Variants in GRID1 observed in about 807,000 individuals in gnomAD.
GRID1 encodes the protein glutamate receptor ionotropic, delta-1.
GRID1 carries 28 observed loss-of-function variants against 98.0 expected under a neutral mutation model. The observed-to-expected ratio is 0.29, with a 90% CI of 0.21 to 0.39. The LOEUF is 0.39. Among genes scored for constraint, GRID1 ranks in the 10% least tolerant of loss-of-function variants. The pLI is 1.00. For missense variants in GRID1, 1,111 were observed against 1,340.5 expected, an observed-to-expected ratio of 0.83 and a Z score of 2.67; for synonymous variants, 553 against 538.5, an observed-to-expected ratio of 1.03 and a Z score of -0.37.
At chr10:85,773,527 T>C (rs553957020) in intron 8 of GRID1, among the ~76,000 whole-genome samples, 134 of 152,316 alleles carry the variant, frequency 8.8e-4, no homozygotes, top group African/African-American at 3.1e-3. Context: ...AAAGAGGAAG[T>C]CAAATTGTCC....
intron 8 of GRID1, among the ~76,000 whole-genome samples, chr10:85,807,897 A>T (rs909355376): frequency 4.6e-5 from 7 of 152,238 alleles, no homozygotes; most frequent in African/African-American, 1.4e-4. Flanking sequence ...ACTCTTGTAC[A>T]TCAGTAATAT....
chr10:85,634,291 T>TCTCTCTCTCTCTCACACA, intron 13 of GRID1, among the ~76,000 whole-genome samples: 1 of 102,998 alleles, frequency 9.7e-6, no homozygotes, highest in South Asian at 3.0e-4. Flanking sequence ...TCTCTCTCTC[T>TCTCTCTCTCTCTCACACA]CACACACACA....
Position 85,729,556 on chromosome 10 carries a change from C to T in GRID1, c.1292G>A (p.Gly431Asp). Residue 431 changes from glycine to aspartate, a missense_variant, in exon 9 of 16, where the codon GGC becomes GAC. By Grantham distance (94) the Gly-to-Asp change is moderately conservative (BLOSUM62 -1). Coordinates refer to ENST00000327946, the MANE Select transcript of GRID1 (RefSeq NM_017551.3). ...LNGSLQERPM[G>D]SRLQGLTLKV... ...AAGAGTCAATCCTTGGAGGCGGCTG[C>T]CCATGGGCCTCTCTTGCAAGCTGCC... 6.2e-7 allele frequency: 1 copy of T among 1,612,754 alleles called. No individual in the cohort carries two copies. The highest frequency in any genetic ancestry group is 1.1e-5 in the South Asian group (1 of 91,010).
At chr10:86,266,463 G>C (rs907598184) in intron 2 of GRID1, among the ~76,000 whole-genome samples, 1 of 152,206 alleles carries the variant, frequency 6.6e-6, no homozygotes, top group African/African-American at 2.4e-5. Context: ...GGAGCCCCCA[G>C]GCTCTGCACC....
At chr10:85,960,511 T>A (rs1842252289) in intron 4 of GRID1, among the ~76,000 whole-genome samples, 1 of 152,140 alleles carries the variant, frequency 6.6e-6, no homozygotes, top group Admixed American at 6.5e-5. Context: ...AACACTGAGC[T>A]CCCCTCTGCA....
intron 4 of GRID1, among the ~76,000 whole-genome samples, chr10:86,050,114 G>A (rs1843481015): frequency 6.6e-6 from 1 of 152,218 alleles, no homozygotes; most frequent in Non-Finnish European, 1.5e-5. Flanking sequence ...ATGGCTCACA[G>A]GGATCACTGG....
At chr10:85,832,510 C>T (rs1842876010) in intron 8 of GRID1, among the ~76,000 whole-genome samples, 1 of 152,146 alleles carries the variant, frequency 6.6e-6, no homozygotes, top group Non-Finnish European at 1.5e-5. Context: ...AATGGCTCAA[C>T]TTCCAAAAAC....
intron 8 of GRID1, among the ~76,000 whole-genome samples, chr10:85,750,143 A>G (rs1842032771): frequency 6.6e-6 from 1 of 152,216 alleles, no homozygotes; most frequent in Non-Finnish European, 1.5e-5. Context: ...TTATAAAGAT[A>G]TGCATACCTA....
At chr10:86,176,773 G>A (rs1302540959) in intron 3 of GRID1, among the ~76,000 whole-genome samples, 3 of 152,266 alleles carry the variant, frequency 2.0e-5, no homozygotes, top group Non-Finnish European at 1.5e-5. Context: ...TTGATAGGTC[G>A]CTATTGTGCC....
At chr10:85,679,442 T>C (rs1441989730) in intron 12 of GRID1, among the ~76,000 whole-genome samples, 1 of 152,182 alleles carries the variant, frequency 6.6e-6, no homozygotes, top group African/African-American at 2.4e-5. Flanking sequence ...CCCTGACTTT[T>C]CCCCGACCAA....
At chr10:85,751,722 T>C (rs1379014163) in intron 8 of GRID1, among the ~76,000 whole-genome samples, 1 of 152,178 alleles carries the variant, frequency 6.6e-6, no homozygotes, top group Non-Finnish European at 1.5e-5. Context: ...ATATGTATGG[T>C]ATGTGGCATG....
chr10:85,800,160 CAA>C (rs55648626), intron 8 of GRID1, among the ~76,000 whole-genome samples: 1 of 146,730 alleles, frequency 6.8e-6, no homozygotes, highest in African/African-American at 2.5e-5. Flanking sequence ...TATAGAATTA[CAA>C]AAAAAAAAAC....
chr10:85,834,232 C>T (rs1402641637), intron 8 of GRID1, among the ~76,000 whole-genome samples: 1 of 152,026 alleles, frequency 6.6e-6, no homozygotes, highest in Non-Finnish European at 1.5e-5. Flanking sequence ...CTTGAAAGCA[C>T]CTAGAAAGAA....
In GRID1 at chr10:85,609,237, C is replaced by A. The variant is rs147912638; in HGVS notation, c.2601+4170G>T. Among the ~76,000 whole-genome samples, 672 of 152,298 alleles carry A rather than the reference C, an allele frequency of 4.4e-3. 4 individuals carry two copies. The highest frequency in any genetic ancestry group is 5.0e-3 in the Non-Finnish European group (339 of 68,026). On this transcript the variant is annotated intron_variant, in intron 15 of 15. Transcript: ENST00000327946. Reference sequence around the variant, plus strand: ...GGGATAAGGATGCCTTCTTCAACTACTGAAGAGGGCTAACAAGATTGCTCA... The same window carrying A: ...GGGATAAGGATGCCTTCTTCAACTAATGAAGAGGGCTAACAAGATTGCTCA...
chr10:86,237,497 A>G (rs1206257760), intron 2 of GRID1, among the ~76,000 whole-genome samples: 2 of 152,078 alleles, frequency 1.3e-5, no homozygotes, highest in Non-Finnish European at 2.9e-5. Flanking sequence ...TCAGGAGTTC[A>G]AGACCAGCCT....
chr10:85,913,419 G>A (rs576222916), intron 5 of GRID1, among the ~76,000 whole-genome samples: 2 of 152,200 alleles, frequency 1.3e-5, no homozygotes, highest in Non-Finnish European at 2.9e-5. Flanking sequence ...AATGACAACC[G>A]CCACACAGGG....
intron 6 of GRID1, among the ~76,000 whole-genome samples, chr10:85,862,569 T>C (rs1341962844): frequency 2.0e-5 from 3 of 151,788 alleles, no homozygotes; most frequent in African/African-American, 7.3e-5. Context: ...AGAAAGATAA[T>C]GGGAAAGGTA....
In GRID1 at chr10:85,602,156, A is replaced by G; in HGVS notation, c.*117T>C. 1 of 569,188 alleles carries G rather than the reference A, an allele frequency of 1.8e-6. No individual in the cohort carries two copies. Among genetic ancestry groups the G allele is most frequent in the South Asian group, 3.2e-5 (1 of 31,548 alleles). 35.3% of individuals were successfully genotyped at this position (569,188 alleles called of 1,614,324 possible). On this transcript the variant is annotated 3_prime_UTR_variant, in exon 16 of 16. Coordinates refer to ENST00000327946, the MANE Select transcript of GRID1 (RefSeq NM_017551.3). ...CACATATGTACAAGAAAAATGAAAGAGTCTCTGTGTATGTGTGTGTGTGCG... is the reference window on the plus strand; with the variant it reads ...CACATATGTACAAGAAAAATGAAAGGGTCTCTGTGTATGTGTGTGTGTGCG...
intron 2 of GRID1, among the ~76,000 whole-genome samples, chr10:86,293,469 C>T (rs929096550): frequency 6.6e-6 from 1 of 152,204 alleles, no homozygotes; most frequent in Admixed American, 6.5e-5. Flanking sequence ...GAAGAAGAGC[C>T]ATTTGATTTG....
Sources: gnomAD v4.1 joint callset for allele counts (sites outside exome capture counted in the v4.1 genomes callset) on GRCh38, gnomAD v4.1.1 for gene constraint, MANE v1.5 for transcripts, NCBI Gene and HGNC (gene_info 2026-07-23, HGNC 2026-07-21) for gene names.